The following ITGAV variants were observed in gnomAD, a reference collection of about 807,000 sequenced individuals.
ITGAV encodes integrin subunit alpha V, also known as integrin alpha-V.
A neutral mutation model predicts 143.8 loss-of-function variants in ITGAV; 76 were observed. The ratio of observed to expected loss-of-function variants is 0.53; its 90% CI spans 0.44 to 0.64. The LOEUF (loss-of-function observed/expected upper bound fraction) is 0.64, where lower values mean the gene tolerates loss of function less well. Ranked by LOEUF, ITGAV falls within the 30% of genes least tolerant of loss-of-function variation. The pLI is 0.00. For missense variants in ITGAV, 1,193 were observed against 1,274.7 expected (o/e 0.94, Z 0.98); for synonymous variants, 453 against 446.7 (o/e 1.01, Z -0.18).
chr2:186,597,127 C>T (rs1286851661), intron 1 of ITGAV, among the ~76,000 whole-genome samples: 1 of 152,192 alleles, frequency 6.6e-6, no homozygotes, highest in Non-Finnish European at 1.5e-5. Flanking sequence ...AAGCAACAGG[C>T]TTGTTCCTGG....
intron 13 of ITGAV, among the ~76,000 whole-genome samples, chr2:186,649,255 T>C (rs1459559711): frequency 6.6e-6 from 1 of 151,772 alleles, no homozygotes; most frequent in Non-Finnish European, 1.5e-5. Context: ...TTTTATGTTA[T>C]TTAATCTGTT....
At chr2:186,616,369 C>T (rs1280177622) in intron 2 of ITGAV, among the ~76,000 whole-genome samples, 1 of 149,844 alleles carries the variant, frequency 6.7e-6, no homozygotes, top group Non-Finnish European at 1.5e-5. Flanking sequence ...AGCTCCGCCT[C>T]CCGGGTTCAC....
At position 186,641,590 on chromosome 2, in the gene ITGAV, T is replaced by C; in HGVS notation, c.1159+2T>C. 1 of 1,613,268 alleles carries C rather than the reference T, an allele frequency of 6.2e-7. No individual in the cohort carries two copies. The highest frequency in any genetic ancestry group is 8.5e-7 in the Non-Finnish European group (1 of 1,179,450). Reference sequence around the variant, plus strand: ...ATCTGGACCAGGATGGTTTCAATGGTAAGATCAAAGTTTAGCAGCTACAGG... The same window carrying C: ...ATCTGGACCAGGATGGTTTCAATGGCAAGATCAAAGTTTAGCAGCTACAGG... On this transcript the variant is annotated splice_donor_variant, in intron 12 of 29. Coordinates refer to ENST00000261023, the MANE Select transcript of ITGAV (RefSeq NM_002210.5). LOFTEE classifies it high-confidence loss of function.
rs1687965646 is a variant in ITGAV at position 186,637,121 on chromosome 2, T to C, written c.802+12T>C. The stretch of plus-strand genomic sequence containing the variant: ...TGATGGCATAGATGGTATGAAGTAC[T>C]TGAACTATATCTAATCTTTAAAAAA... On this transcript the variant is annotated intron_variant, in intron 8 of 29. Transcript: ENST00000261023. 3.1e-6 allele frequency: 5 copies of C among 1,597,242 alleles called. No homozygotes were observed. The East Asian group carries it at 8.9e-5, about 29-fold the overall frequency.
At chr2:186,642,941 G>C (rs1255426204) in intron 12 of ITGAV, among the ~76,000 whole-genome samples, 1 of 152,160 alleles carries the variant, frequency 6.6e-6, no homozygotes, top group African/African-American at 2.4e-5. Flanking sequence ...ATCAAATGGA[G>C]CTATGGTATG....
At chr2:186,666,301 G>A (rs1431330806) in intron 21 of ITGAV, among the ~76,000 whole-genome samples, 1 of 152,134 alleles carries the variant, frequency 6.6e-6, no homozygotes, top group Non-Finnish European at 1.5e-5. Context: ...CTTTAGCCAT[G>A]TTCCCTTACT....
chr2:186,638,978 AAAGAG>A (rs2105708197), intron 10 of ITGAV, among the ~76,000 whole-genome samples: 1 of 151,948 alleles, frequency 6.6e-6, no homozygotes, highest in African/African-American at 2.4e-5. Context: ...TGAAAAGAAA[AAAGAG>A]AAAAGAATTC....
intron 23 of ITGAV, 45 bp downstream of exon 23, chr2:186,667,275 T>C (rs1220156418): frequency 6.9e-7 from 1 of 1,440,096 alleles, no homozygotes; most frequent in East Asian, 2.3e-5. Flanking sequence ...CATGATTGCT[T>C]TTTAAAGGTA....
intron 16 of ITGAV, 22 bp from the exon 17 acceptor site, chr2:186,656,225 A>T: frequency 3.2e-6 from 5 of 1,564,444 alleles, no homozygotes; most frequent in Non-Finnish European, 4.3e-6. Flanking sequence ...TATGTTGGTT[A>T]TAAATCCTTT....
intron 26 of ITGAV, among the ~76,000 whole-genome samples, chr2:186,672,768 T>C (rs1475043282): frequency 6.6e-6 from 1 of 152,236 alleles, no homozygotes; most frequent in East Asian, 1.9e-4. Context: ...ATTGGGTTAT[T>C]TGCCTTTTAT....
At chr2:186,607,626 G>A (rs927253037) in intron 2 of ITGAV, among the ~76,000 whole-genome samples, 1 of 152,060 alleles carries the variant, frequency 6.6e-6, no homozygotes, top group Admixed American at 6.5e-5. Flanking sequence ...GAGATTTGGG[G>A]GATGCTTGTT....
intron 24 of ITGAV, among the ~76,000 whole-genome samples, chr2:186,668,214 A>ATTTTTTTTTTT (rs1688964663): frequency 1.3e-4 from 1 of 7,436 alleles, no homozygotes; most frequent in Non-Finnish European, 2.5e-4. Flanking sequence ...ATATATATAT[A>ATTTTTTTTTTT]TATTTTTTTT....
Position 186,605,004 on chromosome 2 carries a change from A to C in ITGAV, c.316+2853A>C, listed in dbSNP as rs866172879. Among the ~76,000 whole-genome samples, 3 of 152,200 alleles carry C rather than the reference A, an allele frequency of 2.0e-5. No individual in the cohort carries two copies. The South Asian group carries it at 6.2e-4, about 32-fold the overall frequency. On this transcript the variant is annotated intron_variant, in intron 2 of 29. Coordinates refer to ENST00000261023, the MANE Select transcript of ITGAV (RefSeq NM_002210.5). ...GACTATTGCCCTAGATTTCTGAATT[A>C]GGGCATTGCCAGGAACGAGATGGCA...
chr2:186,623,267 A>G (rs1687584661), intron 3 of ITGAV, among the ~76,000 whole-genome samples: 2 of 152,098 alleles, frequency 1.3e-5, no homozygotes, highest in African/African-American at 4.8e-5. Flanking sequence ...GCATACATAC[A>G]CACCATTATG....
intron 4 of ITGAV, 91 bp downstream of exon 4, chr2:186,625,678 TGAGAGA>T (rs1553501192): frequency 2.6e-5 from 12 of 453,092 alleles, no homozygotes; most frequent in Non-Finnish European, 4.4e-5. Flanking sequence ...TGTGTGTGTG[TGAGAGA>T]GAGAGATATT....
chr2:186,614,860 T>G (rs1480608593), intron 2 of ITGAV, among the ~76,000 whole-genome samples: 2 of 152,046 alleles, frequency 1.3e-5, no homozygotes, highest in East Asian at 3.8e-4. Context: ...ACAGTTTTAT[T>G]GAGATATAAT....
At chr2:186,644,314 GTTTGT>G (rs1688188999) in intron 12 of ITGAV, among the ~76,000 whole-genome samples, 1 of 150,974 alleles carries the variant, frequency 6.6e-6, no homozygotes, top group Non-Finnish European at 1.5e-5. Flanking sequence ...TTTTTTGTTT[GTTTGT>G]TTTGTTTTGT....
At chr2:186,639,300 T>C (rs966170256) in intron 10 of ITGAV, among the ~76,000 whole-genome samples, 2 of 152,230 alleles carry the variant, frequency 1.3e-5, no homozygotes, top group Non-Finnish European at 2.9e-5. Flanking sequence ...GATCTGGGAT[T>C]CAAGCCTTTT....
chr2:186,634,099 G>C (rs1348910433), intron 6 of ITGAV, among the ~76,000 whole-genome samples: 1 of 152,112 alleles, frequency 6.6e-6, no homozygotes, highest in Admixed American at 6.6e-5. Flanking sequence ...AACTGGCATT[G>C]ATATAAAGAT....
Sources: gnomAD v4.1 joint callset for allele counts (sites outside exome capture counted in the v4.1 genomes callset) on GRCh38, gnomAD v4.1.1 for gene constraint, MANE v1.5 for transcripts, NCBI Gene and HGNC (gene_info 2026-07-23, HGNC 2026-07-21) for gene names.